HECTD4: variants seen among roughly 807,000 people sequenced by gnomAD.
HECTD4 encodes HECT domain E3 ubiquitin protein ligase 4, also known as probable E3 ubiquitin-protein ligase HECTD4.
HECTD4 carries 114 observed loss-of-function variants against 471.5 expected under a neutral mutation model. The observed-to-expected ratio is 0.24, with a 90% CI of 0.21 to 0.28. The LOEUF (loss-of-function observed/expected upper bound fraction) is 0.28. HECTD4 is among the 10% of genes least tolerant of loss of function. The pLI, the probability that HECTD4 is intolerant of heterozygous loss-of-function variation, is 1.00. For synonymous variants in HECTD4, 2,012 were observed against 2,256.0 expected, an observed-to-expected ratio of 0.89 and a Z score of 3.07; for missense variants, 3,866 against 5,651.5, an observed-to-expected ratio of 0.68 and a Z score of 10.13.
intron 1 of HECTD4, among the ~76,000 whole-genome samples, chr12:112,374,802 C>G (rs1182086510): frequency 6.6e-6 from 1 of 152,170 alleles, no homozygotes; most frequent in Non-Finnish European, 1.5e-5. Flanking sequence ...GTATTTAAAG[C>G]CTTGATGATT....
intron 39 of HECTD4, chr12:112,231,065 G>A (rs1242435330): frequency 2.0e-6 from 1 of 505,310 alleles, no homozygotes; most frequent in Non-Finnish European, 3.5e-6. Context: ...AAGCCATGAG[G>A]ATCAGGGAAA....
chr12:112,308,124 TGTTATTATTATCA>T (rs2135684066), intron 6 of HECTD4, among the ~76,000 whole-genome samples: 1 of 152,304 alleles, frequency 6.6e-6, no homozygotes, highest in East Asian at 1.9e-4. Flanking sequence ...TTACCATCAT[TGTTATTATTATCA>T]GTCAAATGTC....
intron 1 of HECTD4, among the ~76,000 whole-genome samples, chr12:112,354,695 C>T (rs914283607): frequency 1.3e-5 from 2 of 151,842 alleles, no homozygotes; most frequent in African/African-American, 4.8e-5. Flanking sequence ...CAAAACAAAA[C>T]AACAACACAC....
chr12:112,337,411 AG>A (rs1376563251), intron 1 of HECTD4, among the ~76,000 whole-genome samples: 1 of 152,194 alleles, frequency 6.6e-6, no homozygotes, highest in East Asian at 1.9e-4. Context: ...TTGAGCAGAA[AG>A]GTTAGCGTTA....
chr12:112,307,206 T>C (rs537013343), intron 6 of HECTD4, among the ~76,000 whole-genome samples: 4 of 152,230 alleles, frequency 2.6e-5, no homozygotes, highest in Non-Finnish European at 2.9e-5. Flanking sequence ...CCCAAGGCGA[T>C]CTCTGACCCC....
intron 40 of HECTD4, 37 bp downstream of exon 40, chr12:112,230,647 ACTT>A: frequency 6.4e-7 from 1 of 1,565,112 alleles, no homozygotes; most frequent in Non-Finnish European, 8.7e-7. Flanking sequence ...TAATTAGCTT[ACTT>A]CTTATTTTCT....
Position 112,171,155 on chromosome 12 carries a change from T to A in HECTD4, c.11894A>T (p.Tyr3965Phe). 1 of 1,613,638 alleles carries A rather than the reference T, an allele frequency of 6.2e-7. No individual in the cohort carries two copies. Among genetic ancestry groups the A allele is most frequent in the Admixed American group, 1.7e-5 (1 of 59,970 alleles). Residue 3965 changes from tyrosine to phenylalanine, a missense_variant, in exon 68 of 76, where the codon TAT becomes TTT. By Grantham distance (22) the Tyr-to-Phe change is conservative. Transcript: ENST00000682272. Reference protein sequence around the residue: ...PLVELRQTPMYTHSIAALLKE... With the variant: ...PLVELRQTPMFTHSIAALLKE... ...CAGCAGGGCGGCGATGCTGTGGGTA[T>A]ACATGGGTGTCTGGCGCAGCTCCAC...
At position 112,194,968 on chromosome 12, in the gene HECTD4, A is replaced by G; in HGVS notation, c.8666T>C (p.Leu2889Pro). ...APKLPHLFTRLFHIPAIRDIT... is the reference protein window; with the variant it reads ...APKLPHLFTRPFHIPAIRDIT... ...GTCCCGGATGGCAGGGATGTGGAAG[A>G]GGCGAGTGAACAAGTGAGGCAACTT... Residue 2889 changes from leucine to proline, a missense_variant, in exon 56 of 76, where the codon CTC becomes CCC. Coordinates refer to ENST00000682272, the MANE Select transcript of HECTD4 (RefSeq NM_001388303.1). The surrounding 1 kb of genome is among the most constrained non-coding windows in gnomAD (Gnocchi z 4.6). 1.2e-6 allele frequency: 2 copies of G among 1,611,328 alleles called. No individual in the cohort carries two copies. The highest frequency in any genetic ancestry group is 1.7e-6 in the Non-Finnish European group (2 of 1,178,862).
intron 26 of HECTD4, 32 bp downstream of exon 26, chr12:112,248,288 G>A (rs1207338340): frequency 6.5e-7 from 1 of 1,547,486 alleles, no homozygotes; most frequent in Non-Finnish European, 8.8e-7. Context: ...TTCCATAAAA[G>A]AAATTGTTTC....
At chr12:112,267,769 G>A (rs956568553) in intron 13 of HECTD4, among the ~76,000 whole-genome samples, 7 of 152,136 alleles carry the variant, frequency 4.6e-5, no homozygotes, top group Non-Finnish European at 1.0e-4. Context: ...AATGGCATCA[G>A]AATCTTTTTT....
At chr12:112,187,161 T>G (rs928653986) in intron 60 of HECTD4, among the ~76,000 whole-genome samples, 1 of 151,896 alleles carries the variant, frequency 6.6e-6, no homozygotes, top group Non-Finnish European at 1.5e-5. Context: ...GTATTTTTTG[T>G]AGAGACAGGG....
At chr12:112,175,911 G>C in intron 65 of HECTD4, 52 bp from the exon 66 acceptor site, 1 of 1,602,600 alleles carries the variant, frequency 6.2e-7, no homozygotes, top group Non-Finnish European at 8.5e-7. Context: ...CGCACATCGC[G>C]CGCCTCCAAC....
intron 1 of HECTD4, among the ~76,000 whole-genome samples, chr12:112,348,162 T>C (rs2036190922): frequency 6.6e-6 from 1 of 152,046 alleles, no homozygotes; most frequent in African/African-American, 2.4e-5. Context: ...CAGAGAAAAG[T>C]TATGGTTGAT....
intron 1 of HECTD4, among the ~76,000 whole-genome samples, chr12:112,376,136 TAAAATAAATACA>T (rs1490967462): frequency 1.3e-5 from 2 of 152,150 alleles, no homozygotes. Context: ...AACATAAAAT[TAAAATAAATACA>T]AACGGCTATT....
intron 4 of HECTD4, among the ~76,000 whole-genome samples, chr12:112,311,986 A>C (rs1326605707): frequency 6.6e-6 from 1 of 152,212 alleles, no homozygotes; most frequent in Non-Finnish European, 1.5e-5. Context: ...TGTTTAGAAG[A>C]AATGGTAGAC....
intron 48 of HECTD4, 40 bp from the exon 49 acceptor site, chr12:112,212,690 T>C: frequency 6.5e-6 from 10 of 1,545,490 alleles, no homozygotes; most frequent in Non-Finnish European, 8.7e-6. Context: ...TTTTCTCCCT[T>C]TTATTAAGTA....
At chr12:112,250,111 T>C (rs748272115) in intron 25 of HECTD4, 33 bp downstream of exon 25, 2 of 1,498,176 alleles carry the variant, frequency 1.3e-6, no homozygotes, top group South Asian at 1.2e-5. Context: ...TTTTTTCCCA[T>C]TGGGAAAAGT....
At chr12:112,273,883 G>A in intron 10 of HECTD4, 88 bp from the exon 11 acceptor site, 2 of 1,462,504 alleles carry the variant, frequency 1.4e-6, no homozygotes, top group East Asian at 2.3e-5. Flanking sequence ...AAGTGGAAGG[G>A]CAAGGATGCT....
intron 53 of HECTD4, among the ~76,000 whole-genome samples, chr12:112,204,046 T>G (rs1051128006): frequency 1.3e-5 from 2 of 152,114 alleles, no homozygotes; most frequent in Non-Finnish European, 2.9e-5. Context: ...GCAAAGAATT[T>G]TTTGTTTGTT....
Sources: gnomAD v4.1 joint callset for allele counts (sites outside exome capture counted in the v4.1 genomes callset) on GRCh38, gnomAD v4.1.1 for gene constraint, Gnocchi (gnomAD v3.1) non-coding constraint, MANE v1.5 for transcripts, NCBI Gene and HGNC (gene_info 2026-07-23, HGNC 2026-07-21) for gene names.